CNIH3: variants seen among roughly 807,000 people sequenced by gnomAD.
CNIH3 encodes cornichon family AMPA receptor auxiliary protein 3, also known as protein cornichon homolog 3.
Under a neutral mutation model 24.1 loss-of-function variants are expected in CNIH3, and 14 were observed. The ratio of observed to expected loss-of-function variants is 0.58; its 90% CI spans 0.38 to 0.91. CNIH3 has a LOEUF of 0.91. CNIH3 is among the 40% of genes least tolerant of loss of function. The pLI is 0.00. For missense variants in CNIH3, 178 were observed against 196.8 expected (o/e 0.90, Z 0.57); for synonymous variants, 68 against 73.8 (o/e 0.92, Z 0.40).
At chr1:224,713,039 A>G (rs528521823) in intron 3 of CNIH3, among the ~76,000 whole-genome samples, 4 of 152,096 alleles carry the variant, frequency 2.6e-5, no homozygotes, top group East Asian at 1.9e-4. Context: ...AATTAGCTCA[A>G]TCTCCTAAAA....
At chr1:224,444,927 G>A (rs1348868807) in intron 1 of CNIH3, among the ~76,000 whole-genome samples, 1 of 149,652 alleles carries the variant, frequency 6.7e-6, no homozygotes, top group Non-Finnish European at 1.5e-5. Context: ...ACAGGCATAA[G>A]CCACCACGCC....
chr1:224,549,446 T>C lies in CNIH3; in HGVS notation n.450+2507T>C, dbSNP rs183347499. Reference sequence around the variant, plus strand: ...ATGGAAATATCAGAGTGATGATATTTCCTTAATATCACAGTGTGTACACAC... The same window carrying C: ...ATGGAAATATCAGAGTGATGATATTCCCTTAATATCACAGTGTGTACACAC... On this transcript the variant is annotated intron_variant and non_coding_transcript_variant, in intron 3 of 5. Coordinates refer to the CNIH3 transcript ENST00000471578. 1.2e-4 allele frequency among the ~76,000 whole-genome samples: 19 copies of C among 152,266 alleles called. No individual in the cohort carries two copies. In the East Asian group the frequency reaches 3.3e-3, roughly 26 times the overall value.
intron 3 of CNIH3, among the ~76,000 whole-genome samples, chr1:224,608,921 G>A (rs1682555890): frequency 6.6e-6 from 1 of 152,186 alleles, no homozygotes; most frequent in Non-Finnish European, 1.5e-5. Flanking sequence ...TTGCCTCTTA[G>A]TGCACATGTT....
At chr1:224,488,308 C>T (rs770273611) in intron 1 of CNIH3, among the ~76,000 whole-genome samples, 5 of 151,976 alleles carry the variant, frequency 3.3e-5, no homozygotes, top group Non-Finnish European at 7.4e-5. Flanking sequence ...TGATAAGGGC[C>T]CACAGGTTCC....
In CNIH3 at chr1:224,703,697, GTT is replaced by G. The variant is rs147194174; in HGVS notation, c.198+18856_198+18857del. 0.016 allele frequency among the ~76,000 whole-genome samples: 2,487 copies of G among 152,204 alleles called. 68 individuals are homozygous for G. The highest frequency in any genetic ancestry group is 0.057 in the African/African-American group (2,368 of 41,502). On this transcript the variant is annotated intron_variant, in intron 3 of 5. Coordinates refer to ENST00000272133, the MANE Select transcript of CNIH3 (RefSeq NM_152495.2). The surrounding 1 kb of genome is among the most constrained non-coding windows in gnomAD (Gnocchi z 4.2). ...AAGAATAGAGTTTCCAAAGCAATTT[GTT>G]TCCTAAAAGATAGAAGTTCATCTTT...
At chr1:224,520,108 C>A (rs1678565797) in intron 1 of CNIH3, among the ~76,000 whole-genome samples, 1 of 152,180 alleles carries the variant, frequency 6.6e-6, no homozygotes, top group Admixed American at 6.5e-5. Context: ...CCCCTGGCAC[C>A]ATTTACTATT....
chr1:224,606,849 G>A (rs1224374529), intron 3 of CNIH3, among the ~76,000 whole-genome samples: 1 of 152,136 alleles, frequency 6.6e-6, no homozygotes, highest in Non-Finnish European at 1.5e-5. Context: ...GGTGGAGGGA[G>A]GTGCTGCCAG....
chr1:224,696,992 A>T (rs932824113), intron 3 of CNIH3, among the ~76,000 whole-genome samples: 3 of 152,218 alleles, frequency 2.0e-5, no homozygotes, highest in African/African-American at 7.2e-5. Flanking sequence ...CAACTGCTAC[A>T]TTGCTTAGCA....
intron 4 of CNIH3, among the ~76,000 whole-genome samples, chr1:224,579,111 T>C (rs184060269): frequency 1.5e-4 from 23 of 151,898 alleles, no homozygotes; most frequent in Non-Finnish European, 2.8e-4. Context: ...CCTTTGGCTC[T>C]ATTTCTGAGT....
At chr1:224,605,420 A>T (rs911392101) in intron 3 of CNIH3, among the ~76,000 whole-genome samples, 1 of 152,198 alleles carries the variant, frequency 6.6e-6, no homozygotes. Context: ...GGGCCAAGCT[A>T]ACTTTGGGAG....
At chr1:224,574,654 T>C (rs1431525330) in intron 4 of CNIH3, 2 of 972,090 alleles carry the variant, frequency 2.1e-6, no homozygotes, top group Non-Finnish European at 3.3e-6. Flanking sequence ...GAGGAGCTCT[T>C]CATCACCAGC....
chr1:224,458,904 T>G lies in CNIH3; in HGVS notation n.203+24042T>G, dbSNP rs946693355. On this transcript the variant is annotated intron_variant and non_coding_transcript_variant, in intron 1 of 5. Coordinates refer to the CNIH3 transcript ENST00000471578. The surrounding 1 kb of genome is among the most constrained non-coding windows in gnomAD (Gnocchi z 4.3). The stretch of plus-strand genomic sequence containing the variant: ...AGTCCCGGAAAGACGGGGCCAGAAC[T>G]TAGGAGGGGAGCGCTTTGCAGCAAC... 2.0e-5 allele frequency among the ~76,000 whole-genome samples: 3 copies of G among 152,112 alleles called. No homozygotes were observed. The highest frequency in any genetic ancestry group is 4.4e-5 in the Non-Finnish European group (3 of 68,022).
chr1:224,680,648 ATTT>A (rs1686353759), intron 1 of CNIH3, among the ~76,000 whole-genome samples: 1 of 152,184 alleles, frequency 6.6e-6, no homozygotes, highest in Non-Finnish European at 1.5e-5. Context: ...TGAAGTTTTA[ATTT>A]TTTTGTGCTT....
At chr1:224,569,582 A>C (rs982635101) in intron 4 of CNIH3, among the ~76,000 whole-genome samples, 27 of 152,040 alleles carry the variant, frequency 1.8e-4, no homozygotes, top group Admixed American at 1.8e-3. Flanking sequence ...ATGCATCTTC[A>C]TTCTTGCTAG....
At chr1:224,676,269 A>T (rs758322498) in intron 1 of CNIH3, among the ~76,000 whole-genome samples, 15 of 152,204 alleles carry the variant, frequency 9.9e-5, no homozygotes, top group Non-Finnish European at 1.6e-4. Context: ...ATACTGCGTG[A>T]TTCCATTTAT....
In CNIH3 at chr1:224,458,836, T is replaced by G. The variant is rs112295267; in HGVS notation, n.203+23974T>G. Among the ~76,000 whole-genome samples the G allele has an allele frequency of 1.4e-3, 219 of 152,258 alleles. No individual in the cohort carries two copies. Among genetic ancestry groups the G allele is most frequent in the African/African-American group, 4.9e-3 (205 of 41,546 alleles). Reference sequence around the variant, plus strand: ...TGTCAGTGGGGTCTCCCAGTGCCTGTTTGGTCCACAGTTAGGAGAGGCCCT... The same window carrying G: ...TGTCAGTGGGGTCTCCCAGTGCCTGGTTGGTCCACAGTTAGGAGAGGCCCT... On this transcript the variant is annotated intron_variant and non_coding_transcript_variant, in intron 1 of 5. Coordinates refer to the CNIH3 transcript ENST00000471578. The surrounding 1 kb of genome is among the most constrained non-coding windows in gnomAD (Gnocchi z 4.3).
chr1:224,479,860 T>G (rs1676734159), intron 1 of CNIH3, among the ~76,000 whole-genome samples: 1 of 152,194 alleles, frequency 6.6e-6, no homozygotes, highest in Non-Finnish European at 1.5e-5. Flanking sequence ...CTGTGGCTTT[T>G]CCAGGCACAT....
chr1:224,669,723 G>A (rs1005873873), intron 1 of CNIH3, among the ~76,000 whole-genome samples: 5 of 152,130 alleles, frequency 3.3e-5, no homozygotes, highest in African/African-American at 4.8e-5. Context: ...CATTGTGCCC[G>A]GTGCTTGTTG....
chr1:224,444,999 T>C (rs1042072765), intron 1 of CNIH3, among the ~76,000 whole-genome samples: 1 of 150,000 alleles, frequency 6.7e-6, no homozygotes, highest in African/African-American at 2.5e-5. Flanking sequence ...TAGAAAGGAG[T>C]ATATACATCC....
Sources: gnomAD v4.1 joint callset for allele counts (sites outside exome capture counted in the v4.1 genomes callset) on GRCh38, gnomAD v4.1.1 for gene constraint, Gnocchi (gnomAD v3.1) non-coding constraint, MANE v1.5 for transcripts, NCBI Gene and HGNC (gene_info 2026-07-23, HGNC 2026-07-21) for gene names.